The following AP2A1 variants were observed in gnomAD, a reference collection of about 807,000 sequenced individuals.
AP2A1 encodes AP-2 complex subunit alpha-1.
A neutral mutation model predicts 107.3 loss-of-function variants in AP2A1; 21 were observed. That is an observed-to-expected ratio of 0.20 (90% CI 0.14 to 0.28). The LOEUF (loss-of-function observed/expected upper bound fraction) is 0.28. AP2A1 is among the 10% of genes least tolerant of loss of function. The pLI is 1.00. For synonymous variants in AP2A1, 602 were observed against 564.8 expected (o/e 1.07, Z -0.93); for missense variants, 873 against 1,307.7 (o/e 0.67, Z 5.13).
intron 7 of AP2A1, chr19:49,796,647 C>T (rs1302021173): frequency 1.3e-5 from 2 of 152,138 alleles, no homozygotes; most frequent in Non-Finnish European, 2.9e-5. Flanking sequence ...GCATGCATGT[C>T]TGCGTGCATC....
Position 49,785,439 on chromosome 19 carries a change from A to G in AP2A1, c.473+2715A>G, listed in dbSNP as rs1437415176. Reference sequence around the variant, plus strand: ...GTGAATGATGGCAGACCTTTCAGCAATGTGACAAAGGCCATAGGAAAATGG... The same window carrying G: ...GTGAATGATGGCAGACCTTTCAGCAGTGTGACAAAGGCCATAGGAAAATGG... On this transcript the variant is annotated intron_variant, in intron 4 of 22. Transcript: ENST00000354293. This position sits in a 1 kb window ranked among gnomAD's most constrained non-coding sequence, Gnocchi z 4.1. 6.6e-6 allele frequency among the ~76,000 whole-genome samples: 1 copy of G among 152,144 alleles called. No homozygotes were observed. The highest frequency in any genetic ancestry group is 6.6e-5 in the Admixed American group (1 of 15,262).
In AP2A1 at chr19:49,802,239, C is replaced by T. The variant is rs546347150; in HGVS notation, c.2114+98C>T. The T allele has an allele frequency of 5.7e-4, 558 of 985,864 alleles. 1 individual carries two copies. Among genetic ancestry groups the T allele is most frequent in the Admixed American group, 1.5e-3 (75 of 50,220 alleles). The allele number at this position is 985,864 out of a possible 1,614,324, so 61.1% of individuals were successfully genotyped here. A position where few individuals can be genotyped will look rare whatever the true frequency, so the allele number is the denominator to read the frequency against. The stretch of plus-strand genomic sequence containing the variant: ...TTTTCCCTGAGCCCCTCCCCCGCCC[C>T]CGACTCGCTCCTCTCTCCATCCTGA... On this transcript the variant is annotated intron_variant, in intron 15 of 22. Transcript: ENST00000354293.
chr19:49,772,246 GTTTTTTTTTTTTTT>G lies in AP2A1; in HGVS notation c.67+5064_67+5077del, dbSNP rs71180653. ...CAAATTTTTTTGTATTTTTCATAGAGTTTTTTTTTTTTTTTTTTTTTTTTTTTTTTTGAGATGGA... is the reference window on the plus strand; with the variant it reads ...CAAATTTTTTTGTATTTTTCATAGAGTTTTTTTTTTTTTTTTTGAGATGGA... On this transcript the variant is annotated intron_variant, in intron 1 of 22. Coordinates refer to ENST00000354293, the MANE Select transcript of AP2A1 (RefSeq NM_130787.3). 3.9e-4 allele frequency among the ~76,000 whole-genome samples: 22 copies of G among 56,174 alleles called. 1 individual carries two copies. Among genetic ancestry groups the G allele is most frequent in the East Asian group, 6.5e-4 (1 of 1,548 alleles). 36.9% of individuals were successfully genotyped at this position (56,174 alleles called of 152,430 possible). A position where few individuals can be genotyped will look rare whatever the true frequency, so the allele number is the denominator to read the frequency against.
rs186049653 is a variant in AP2A1 at position 49,781,890 on chromosome 19, C to T, written c.137-57C>T. 6.7e-5 allele frequency: 108 copies of T among 1,609,188 alleles called. No homozygotes were observed. The African/African-American group carries it at 1.3e-3, about 20-fold the overall frequency. On this transcript the variant is annotated intron_variant, in intron 2 of 22. Coordinates refer to ENST00000354293, the MANE Select transcript of AP2A1 (RefSeq NM_130787.3). ...GGGCTGGGAGCTGGGGCTCCTGTGACCTATCCTGTGACCCTTCCTTATTTC... is the reference window on the plus strand; with the variant it reads ...GGGCTGGGAGCTGGGGCTCCTGTGATCTATCCTGTGACCCTTCCTTATTTC...
At chr19:49,769,319 A>G (rs558297197) in intron 1 of AP2A1, among the ~76,000 whole-genome samples, 2 of 152,274 alleles carry the variant, frequency 1.3e-5, no homozygotes, top group Non-Finnish European at 2.9e-5. Flanking sequence ...AAGACAGAAC[A>G]TATGCACAGG....
chr19:49,776,194 C>G (rs1252212010), intron 1 of AP2A1, among the ~76,000 whole-genome samples: 2 of 152,058 alleles, frequency 1.3e-5, no homozygotes, highest in Non-Finnish European at 2.9e-5. Context: ...TCTTCTCCAC[C>G]CGCCCCCGCC....
At position 49,806,103 on chromosome 19, in the gene AP2A1, C is replaced by T. The variant is rs140228845; in HGVS notation, c.2656-16C>T. The T allele has an allele frequency of 3.2e-4, 509 of 1,566,180 alleles. 6 individuals carry two copies. The East Asian group carries it at 0.011, about 35-fold the overall frequency. ...ACAGCTCTGGCACACTCTGACGGCG[C>T]CCCCCCTCCTCCCAGCTTCTGGGGT... On this transcript the variant is annotated splice_polypyrimidine_tract_variant and intron_variant, in intron 21 of 22. Coordinates refer to ENST00000354293, the MANE Select transcript of AP2A1 (RefSeq NM_130787.3).
intron 4 of AP2A1, among the ~76,000 whole-genome samples, chr19:49,790,174 C>A (rs2073124316): frequency 6.6e-6 from 1 of 152,208 alleles, no homozygotes; most frequent in Non-Finnish European, 1.5e-5. Flanking sequence ...AGAGGAGAGG[C>A]CGCGTCCTTG....
intron 4 of AP2A1, among the ~76,000 whole-genome samples, chr19:49,787,490 G>A (rs2084756323): frequency 6.6e-6 from 1 of 150,976 alleles, no homozygotes. Flanking sequence ...TGGGATTACA[G>A]GTGTGTGCCA....
At chr19:49,803,826 A>C (rs2073324477) in intron 18 of AP2A1, 1 of 184,054 alleles carries the variant, frequency 5.4e-6, no homozygotes, top group Admixed American at 5.5e-5. Flanking sequence ...TCATAGGGTT[A>C]TTGTGAAGAT....
intron 1 of AP2A1, among the ~76,000 whole-genome samples, chr19:49,780,748 T>TA (rs2084665735): frequency 6.6e-6 from 1 of 152,118 alleles, no homozygotes; most frequent in Non-Finnish European, 1.5e-5. Context: ...CAGTGGCTCA[T>TA]ACCTGTAATC....
intron 1 of AP2A1, among the ~76,000 whole-genome samples, chr19:49,768,260 T>G (rs1393548326): frequency 6.6e-6 from 1 of 152,006 alleles, no homozygotes; most frequent in Non-Finnish European, 1.5e-5. Flanking sequence ...GCAAGTCAGC[T>G]CTCAACTCCT....
chr19:49,802,493 C>T (rs2073300754), intron 15 of AP2A1: 1 of 1,596,268 alleles, frequency 6.3e-7, no homozygotes, highest in Non-Finnish European at 8.5e-7. Context: ...CTGCCTGCCA[C>T]GCCTGTCTTC....
Position 49,792,980 on chromosome 19 carries a change from T to C in AP2A1, c.604-11T>C. On this transcript the variant is annotated splice_polypyrimidine_tract_variant and intron_variant, in intron 5 of 22. Coordinates refer to ENST00000354293, the MANE Select transcript of AP2A1 (RefSeq NM_130787.3). ...CCAGGGGCCTGACTTGTCTCTCCTC[T>C]GCCCCTGCAGGGTGTGGTCACGGCC... 6.3e-7 allele frequency: 1 copy of C among 1,588,306 alleles called. No homozygotes were observed. Among genetic ancestry groups the C allele is most frequent in the Admixed American group, 1.8e-5 (1 of 55,916 alleles).
chr19:49,794,026 G>C (rs192301714), intron 6 of AP2A1, among the ~76,000 whole-genome samples: 12 of 140,956 alleles, frequency 8.5e-5, no homozygotes, highest in African/African-American at 2.6e-4. Flanking sequence ...TTAGCCTCCC[G>C]AGTAGCTGGG....
intron 1 of AP2A1, among the ~76,000 whole-genome samples, chr19:49,768,681 A>C (rs1055605778): frequency 6.6e-6 from 1 of 152,040 alleles, no homozygotes; most frequent in Non-Finnish European, 1.5e-5. Flanking sequence ...AGAAATGATC[A>C]CTTGTTATGA....
chr19:49,774,392 G>A (rs1439626995), intron 1 of AP2A1, among the ~76,000 whole-genome samples: 1 of 152,024 alleles, frequency 6.6e-6, no homozygotes, highest in Non-Finnish European at 1.5e-5. Flanking sequence ...CAAATAGTTC[G>A]CCCTGCTGAG....
intron 7 of AP2A1, chr19:49,796,874 A>G (rs1186392128): frequency 1.3e-5 from 2 of 152,290 alleles, no homozygotes; most frequent in African/African-American, 2.4e-5. Context: ...AATGCTTGCC[A>G]GCATCTACGT....
chr19:49,801,431 T>A lies in AP2A1; in HGVS notation c.1595T>A (p.Leu532Gln), dbSNP rs2073277558. 1 of 1,613,764 alleles carries A rather than the reference T, an allele frequency of 6.2e-7. No homozygotes were observed. The highest frequency in any genetic ancestry group is 8.5e-7 in the Non-Finnish European group (1 of 1,179,840). Residue 532 changes from leucine to glutamine, a missense_variant, in exon 13 of 23, where the codon CTG becomes CAG. Leu to Gln is a moderately radical substitution (Grantham distance 113). Coordinates refer to ENST00000354293, the MANE Select transcript of AP2A1 (RefSeq NM_130787.3). ...QFSLLHSKFH[L>Q]CSVATRALLL... ...TCCCTGCTCCACTCCAAGTTCCATC[T>A]GTGCAGCGTGGCCACGCGGGCGCTG...
Sources: gnomAD v4.1 joint callset for allele counts (sites outside exome capture counted in the v4.1 genomes callset) on GRCh38, gnomAD v4.1.1 for gene constraint, Gnocchi (gnomAD v3.1) non-coding constraint, MANE v1.5 for transcripts, NCBI Gene and HGNC (gene_info 2026-07-23, HGNC 2026-07-21) for gene names.